The following ARHGAP42 variants were observed in gnomAD, a reference collection of about 807,000 sequenced individuals.
ARHGAP42 encodes the protein rho GTPase-activating protein 42.
A neutral mutation model predicts 125.0 loss-of-function variants in ARHGAP42; 63 were observed. The ratio of observed to expected loss-of-function variants is 0.50; its 90% CI spans 0.41 to 0.62. The LOEUF (loss-of-function observed/expected upper bound fraction) is 0.62, where lower values mean the gene tolerates loss of function less well. Among genes scored for constraint, ARHGAP42 ranks in the 20% least tolerant of loss-of-function variants. The probability of loss-of-function intolerance (pLI) is 0.00; values close to 1 mark genes in which losing one functional copy is unlikely to be tolerated. For missense variants in ARHGAP42, 766 were observed against 1,024.2 expected, an observed-to-expected ratio of 0.75 and a Z score of 3.44; for synonymous variants, 339 against 351.0, an observed-to-expected ratio of 0.97 and a Z score of 0.38.
At chr11:100,880,671 A>G (rs940422898) in intron 4 of ARHGAP42, among the ~76,000 whole-genome samples, 4 of 152,246 alleles carry the variant, frequency 2.6e-5, no homozygotes, top group Non-Finnish European at 5.9e-5. Context: ...AGGAATCTCC[A>G]TACTGTTTTC....
rs1358787579 is a variant in ARHGAP42 at position 100,990,338 on chromosome 11, T to G, written c.*1537T>G. 1.3e-5 allele frequency: 2 copies of G among 152,088 alleles called. No homozygotes were observed. The highest frequency in any genetic ancestry group is 4.8e-5 in the African/African-American group (2 of 41,410). The allele number at this position is 152,088 out of a possible 1,614,324, so 9.4% of individuals were successfully genotyped here. A position where few individuals can be genotyped will look rare whatever the true frequency, so the allele number is the denominator to read the frequency against. On this transcript the variant is annotated 3_prime_UTR_variant, in exon 24 of 24. Transcript: ENST00000298815. ...CATTATTATCTGTAATCTCTATCTC[T>G]TCTACTTTAAATTAATGTTTCTAGA...
intron 4 of ARHGAP42, among the ~76,000 whole-genome samples, chr11:100,889,076 G>C (rs1409720218): frequency 6.6e-6 from 1 of 152,160 alleles, no homozygotes; most frequent in African/African-American, 2.4e-5. Context: ...TGGAACATAA[G>C]TCATGTTTTA....
At chr11:100,820,359 C>T (rs1008281421) in intron 3 of ARHGAP42, among the ~76,000 whole-genome samples, 2 of 152,050 alleles carry the variant, frequency 1.3e-5, no homozygotes, top group Non-Finnish European at 2.9e-5. Flanking sequence ...TGCCTATTTG[C>T]CAAATGATGT....
intron 4 of ARHGAP42, among the ~76,000 whole-genome samples, chr11:100,892,007 A>T (rs573655947): frequency 2.6e-5 from 4 of 152,136 alleles, no homozygotes; most frequent in Non-Finnish European, 4.4e-5. Flanking sequence ...TGTGAGAAGA[A>T]CTTCAAGCAC....
intron 2 of ARHGAP42, among the ~76,000 whole-genome samples, chr11:100,784,318 A>G (rs570699496): frequency 8.5e-5 from 13 of 152,170 alleles, no homozygotes; most frequent in Non-Finnish European, 1.8e-4. Context: ...TTAAAAATCC[A>G]TTTAAGGATT....
At chr11:100,743,412 A>G (rs2120351210) in intron 1 of ARHGAP42, among the ~76,000 whole-genome samples, 1 of 152,334 alleles carries the variant, frequency 6.6e-6, no homozygotes, top group African/African-American at 2.4e-5. Flanking sequence ...CTGGTTTTTA[A>G]GATTTCTAGT....
chr11:100,756,768 G>A (rs1445159031), intron 1 of ARHGAP42, among the ~76,000 whole-genome samples: 2 of 152,204 alleles, frequency 1.3e-5, no homozygotes, highest in Admixed American at 1.3e-4. Context: ...CTCAGTTCTG[G>A]TTGCTAAATA....
chr11:100,907,792 G>T (rs75603855), intron 4 of ARHGAP42, among the ~76,000 whole-genome samples: 2,117 of 152,286 alleles, frequency 0.014, 51 homozygotes, highest in African/African-American at 0.048. Flanking sequence ...CTAATTAGGG[G>T]TGGTAGTTGG....
At chr11:100,724,255 G>A (rs921502832) in intron 1 of ARHGAP42, among the ~76,000 whole-genome samples, 10 of 151,958 alleles carry the variant, frequency 6.6e-5, no homozygotes, top group South Asian at 2.1e-4. Context: ...TTCTATGTTC[G>A]TGGGAGATAT....
rs565043284 is a variant in ARHGAP42 at position 100,865,687 on chromosome 11, C to T, written c.384+6062C>T. On this transcript the variant is annotated intron_variant, in intron 4 of 23. Coordinates refer to ENST00000298815, the MANE Select transcript of ARHGAP42 (RefSeq NM_152432.4). The stretch of plus-strand genomic sequence containing the variant: ...AGAGCATGTAAAAGTTATATTCATA[C>T]TATACAGTAGCCTCTTAAGTGTGCA... Among the ~76,000 whole-genome samples, 3 of 152,294 alleles carry T rather than the reference C, an allele frequency of 2.0e-5. No homozygotes were observed. In the East Asian group the frequency reaches 5.8e-4, roughly 29 times the overall value.
At chr11:100,889,390 G>A (rs556281528) in intron 4 of ARHGAP42, among the ~76,000 whole-genome samples, 5 of 152,054 alleles carry the variant, frequency 3.3e-5, no homozygotes, top group South Asian at 4.2e-4. Context: ...TATACCTTCC[G>A]TCATATGAGG....
chr11:100,787,297 A>G (rs1010908097), intron 2 of ARHGAP42, among the ~76,000 whole-genome samples: 1 of 150,972 alleles, frequency 6.6e-6, no homozygotes, highest in Non-Finnish European at 1.5e-5. Context: ...AAAAAGTGGC[A>G]GTTTCCCCTA....
At chr11:100,809,446 T>C (rs1463991987) in intron 3 of ARHGAP42, among the ~76,000 whole-genome samples, 1 of 152,234 alleles carries the variant, frequency 6.6e-6, no homozygotes, top group Non-Finnish European at 1.5e-5. Context: ...TCTATTGTAA[T>C]ATGGCAATGA....
At chr11:100,826,290 T>C (rs1237959581) in intron 3 of ARHGAP42, among the ~76,000 whole-genome samples, 1 of 152,208 alleles carries the variant, frequency 6.6e-6, no homozygotes, top group African/African-American at 2.4e-5. Flanking sequence ...GTATATGTTA[T>C]CCATTTTGTG....
At chr11:100,759,357 C>T (rs1432774485) in intron 1 of ARHGAP42, among the ~76,000 whole-genome samples, 1 of 152,140 alleles carries the variant, frequency 6.6e-6, no homozygotes, top group Admixed American at 6.5e-5. Context: ...TGTCTAGGCA[C>T]CTGGCTTCTT....
At chr11:100,893,579 G>A (rs1238578595) in intron 4 of ARHGAP42, among the ~76,000 whole-genome samples, 1 of 151,994 alleles carries the variant, frequency 6.6e-6, no homozygotes, top group African/African-American at 2.4e-5. Context: ...TCAACTGAAA[G>A]GAAAATTTCT....
chr11:100,992,087 G>C lies in ARHGAP42; in HGVS notation c.*3286G>C, dbSNP rs1270558326. On this transcript the variant is annotated 3_prime_UTR_variant, in exon 24 of 24. Transcript: ENST00000298815. ...CCGTTCTTCTGGTCTGTGTTGAAAA[G>C]GGTATCATTCATGTGGTTTCAGTTT... 3 of 535,552 alleles carry C rather than the reference G, an allele frequency of 5.6e-6. No homozygotes were observed. The African/African-American group carries it at 5.7e-5, about 10-fold the overall frequency. 33.2% of individuals were successfully genotyped at this position (535,552 alleles called of 1,614,324 possible).
chr11:100,762,174 A>T (rs1448116079), intron 1 of ARHGAP42, among the ~76,000 whole-genome samples: 1 of 152,224 alleles, frequency 6.6e-6, no homozygotes, highest in Non-Finnish European at 1.5e-5. Flanking sequence ...GCAAAGCGGG[A>T]TGCAGACTCT....
chr11:100,701,222 T>C (rs1379382511), intron 1 of ARHGAP42, among the ~76,000 whole-genome samples: 1 of 152,002 alleles, frequency 6.6e-6, no homozygotes, highest in Non-Finnish European at 1.5e-5. Flanking sequence ...TGTACTGTCA[T>C]TCAGGCTTTG....
Sources: allele counts gnomAD v4.1 joint callset (sites outside exome capture counted in the v4.1 genomes callset), GRCh38; gene constraint gnomAD v4.1.1; transcripts MANE v1.5; gene names NCBI Gene and HGNC (gene_info 2026-07-23, HGNC 2026-07-21).